Variants in PALS1 observed in about 807,000 individuals in gnomAD.
PALS1 encodes protein PALS1.
In PALS1, 31 loss-of-function variants were observed where a neutral mutation model predicts 78.9. The ratio of observed to expected loss-of-function variants is 0.39; its 90% confidence interval spans 0.30 to 0.53. The LOEUF (loss-of-function observed/expected upper bound fraction) is 0.53, where lower values mean the gene tolerates loss of function less well. PALS1 is among the 20% of genes least tolerant of loss of function. The pLI is 0.67. For synonymous variants in PALS1, 276 were observed against 270.9 expected, an observed-to-expected ratio of 1.02 and a Z score of -0.18; for missense variants, 704 against 826.5, an observed-to-expected ratio of 0.85 and a Z score of 1.82.
intron 1 of PALS1, among the ~76,000 whole-genome samples, chr14:67,256,346 T>G (rs2140473809): frequency 6.6e-6 from 1 of 152,266 alleles, no homozygotes; most frequent in African/African-American, 2.4e-5. Context: ...CATAAAGAGC[T>G]TCATGCTCTA....
At chr14:67,313,234 G>T (rs574878748) in intron 9 of PALS1, among the ~76,000 whole-genome samples, 2 of 152,152 alleles carry the variant, frequency 1.3e-5, no homozygotes, top group African/African-American at 4.8e-5. Flanking sequence ...TTATTAAGGG[G>T]ACATGTTTCT....
rs73284818 is a variant in PALS1 at position 67,333,391 on chromosome 14, G to A, written c.*435G>A. ...CTTCATTGGGAATATTGAGCAGAGG[G>A]ACTGTGCTTCTATGCACTGGGCAAG... On this transcript the variant is annotated 3_prime_UTR_variant, in exon 15 of 15. Transcript: ENST00000261681. 2,930 of 153,838 alleles carry A rather than the reference G, an allele frequency of 0.019. 102 individuals are homozygous for A. The highest frequency in any genetic ancestry group is 0.065 in the African/African-American group (2,708 of 41,540). 9.5% of individuals were successfully genotyped at this position (153,838 alleles called of 1,614,324 possible). A position where few individuals can be genotyped will look rare whatever the true frequency, so the allele number is the denominator to read the frequency against.
intron 3 of PALS1, among the ~76,000 whole-genome samples, chr14:67,286,900 G>A (rs1465645466): frequency 6.7e-6 from 1 of 148,544 alleles, no homozygotes; most frequent in Non-Finnish European, 1.5e-5. Flanking sequence ...TGAATAATAC[G>A]TATTTGTGAA....
chr14:67,256,797 GACAC>G (rs10654145), intron 1 of PALS1, among the ~76,000 whole-genome samples: 18 of 147,776 alleles, frequency 1.2e-4, no homozygotes, highest in South Asian at 6.5e-4. Flanking sequence ...AGAAACTATT[GACAC>G]ACACACACAC....
intron 3 of PALS1, chr14:67,279,900 G>A (rs889580415): frequency 5.0e-6 from 1 of 201,002 alleles, no homozygotes; most frequent in Non-Finnish European, 9.9e-6. Context: ...TTAAAGTTTT[G>A]TAAAATAGTA....
At position 67,300,336 on chromosome 14, in the gene PALS1, C is replaced by CTTTTTTTTTTTTTT. The variant is rs36091817; in HGVS notation, c.577-1042_577-1041insTTTTTTTTTTTTTT. Among the ~76,000 whole-genome samples the CTTTTTTTTTTTTTT allele has an allele frequency of 4.0e-3, 562 of 138,902 alleles. 13 individuals are homozygous for CTTTTTTTTTTTTTT. The highest frequency in any genetic ancestry group is 0.037 in the East Asian group (180 of 4,852). 91.1% of individuals were successfully genotyped at this position (138,902 alleles called of 152,430 possible). A position where few individuals can be genotyped will look rare whatever the true frequency, so the allele number is the denominator to read the frequency against. On this transcript the variant is annotated intron_variant, in intron 4 of 14. Transcript: ENST00000261681. ...ACTGGGTTCCTGTATTATGAATTAC[C>CTTTTTTTTTTTTTT]TTTTTTTTTTTGAGAAAGTCTCATT... is the stretch of plus-strand genomic sequence containing the variant.
chr14:67,285,064 T>A (rs919410162), intron 3 of PALS1, among the ~76,000 whole-genome samples: 2 of 152,154 alleles, frequency 1.3e-5, no homozygotes, highest in African/African-American at 4.8e-5. Flanking sequence ...CACAGGTAGA[T>A]GTACTGGAAA....
intron 14 of PALS1, among the ~76,000 whole-genome samples, chr14:67,331,290 C>T (rs1423715197): frequency 6.6e-6 from 1 of 152,212 alleles, no homozygotes; most frequent in Non-Finnish European, 1.5e-5. Flanking sequence ...TGTGATCCAC[C>T]TACCTTGGCC....
intron 1 of PALS1, among the ~76,000 whole-genome samples, chr14:67,261,630 TAG>T (rs1567506549): frequency 1.3e-5 from 2 of 152,124 alleles, no homozygotes; most frequent in African/African-American, 4.8e-5. Flanking sequence ...CAATGCAGAA[TAG>T]AGAATAAAAT....
intron 11 of PALS1, among the ~76,000 whole-genome samples, chr14:67,319,057 CAA>C (rs367594842): frequency 7.0e-5 from 8 of 114,050 alleles, no homozygotes; most frequent in Non-Finnish European, 1.0e-4. Flanking sequence ...GACTCCGTCT[CAA>C]AAAAAAAAAA....
At chr14:67,320,496 A>T (rs1396084065) in intron 12 of PALS1, 99 bp downstream of exon 12, 1 of 1,151,588 alleles carries the variant, frequency 8.7e-7, no homozygotes, top group Non-Finnish European at 1.2e-6. Flanking sequence ...TTTCATTAAA[A>T]CACTGTTGTC....
At chr14:67,300,370 C>G (rs952226483) in intron 4 of PALS1, among the ~76,000 whole-genome samples, 1 of 137,198 alleles carries the variant, frequency 7.3e-6, no homozygotes, top group Non-Finnish European at 1.5e-5. Context: ...TTCCATCATC[C>G]AGGCTGGAAT....
At chr14:67,277,778 G>A (rs768682672) in intron 2 of PALS1, among the ~76,000 whole-genome samples, 6 of 152,070 alleles carry the variant, frequency 3.9e-5, no homozygotes, top group Non-Finnish European at 7.4e-5. Context: ...GGTAATTAAT[G>A]TAAGTATACA....
chr14:67,269,842 A>G (rs2084382950), intron 2 of PALS1, 59 bp downstream of exon 2: 2 of 152,610 alleles, frequency 1.3e-5, no homozygotes, highest in South Asian at 4.1e-4. Flanking sequence ...AGCTGTTTCT[A>G]TGGAAACAAA....
intron 1 of PALS1, among the ~76,000 whole-genome samples, chr14:67,243,209 G>GT (rs2083931117): frequency 6.6e-6 from 1 of 150,584 alleles, no homozygotes; most frequent in African/African-American, 2.4e-5. Context: ...TTTTTTGTGA[G>GT]ACATAGTCTC....
chr14:67,295,101 TGAA>T (rs937182281), intron 4 of PALS1: 2 of 131,144 alleles, frequency 1.5e-5, no homozygotes, highest in African/African-American at 3.6e-5. Context: ...TTTGAGATAT[TGAA>T]GTGTGTGTGT....
rs983320285 is a variant in PALS1 at position 67,245,218 on chromosome 14, A to T, written c.-237+3685A>T. ...ATTTGTTACATTGGCATAGGAAACT[A>T]ATACATTGTCAGGCTGGGTTTGAAG... On this transcript the variant is annotated intron_variant, in intron 1 of 14. Transcript: ENST00000261681. Among the ~76,000 whole-genome samples, 4 of 152,230 alleles carry T rather than the reference A, an allele frequency of 2.6e-5. No homozygotes were observed. The East Asian group carries it at 7.7e-4, about 29-fold the overall frequency.
intron 10 of PALS1, among the ~76,000 whole-genome samples, chr14:67,317,155 G>T (rs1174521399): frequency 6.6e-6 from 1 of 152,138 alleles, no homozygotes; most frequent in Non-Finnish European, 1.5e-5. Context: ...AGTGTAATAA[G>T]TATTTATAAA....
Position 67,333,476 on chromosome 14 carries a change from T to TA in PALS1, c.*526dup, listed in dbSNP as rs1385358273. ...GAGATACTTTCCTAAAAAGGAAAAA[T>TA]AAAAAACAAAATGGTGCCACTTTGG... is the stretch of plus-strand genomic sequence containing the variant. On this transcript the variant is annotated 3_prime_UTR_variant, in exon 15 of 15. Transcript: ENST00000261681. 6.6e-6 allele frequency: 1 copy of TA among 152,560 alleles called. No individual in the cohort carries two copies. The highest frequency in any genetic ancestry group is 1.5e-5 in the Non-Finnish European group (1 of 67,998). 9.5% of individuals were successfully genotyped at this position (152,560 alleles called of 1,614,324 possible). A position where few individuals can be genotyped will look rare whatever the true frequency, so the allele number is the denominator to read the frequency against.
Sources: allele counts gnomAD v4.1 joint callset (sites outside exome capture counted in the v4.1 genomes callset), GRCh38; gene constraint gnomAD v4.1.1; transcripts MANE v1.5; gene names NCBI Gene and HGNC (gene_info 2026-07-23, HGNC 2026-07-21).